TSHZ2: variants seen among roughly 807,000 people sequenced by gnomAD.
The protein encoded by TSHZ2 is teashirt homolog 2.
A neutral mutation model predicts 74.4 loss-of-function variants in TSHZ2; 21 were observed. The ratio of observed to expected loss-of-function variants is 0.28; its 90% CI spans 0.20 to 0.41. The LOEUF (loss-of-function observed/expected upper bound fraction) is 0.41, where lower values mean the gene tolerates loss of function less well. TSHZ2 is among the 10% of genes least tolerant of loss of function. TSHZ2 has a pLI of 1.00. For missense variants in TSHZ2, 1,244 were observed against 1,293.5 expected (o/e 0.96, Z 0.59); for synonymous variants, 540 against 515.3 (o/e 1.05, Z -0.65).
intron 2 of TSHZ2, among the ~76,000 whole-genome samples, chr20:53,316,099 A>G (rs981122730): frequency 1.3e-5 from 2 of 152,240 alleles, no homozygotes; most frequent in African/African-American, 4.8e-5. Context: ...AAACTAAAGT[A>G]GCCATTTAAA....
chr20:53,173,683 AG>A (rs1300535062), intron 1 of TSHZ2, among the ~76,000 whole-genome samples: 2 of 151,956 alleles, frequency 1.3e-5, no homozygotes, highest in African/African-American at 4.8e-5. Flanking sequence ...TAAATGAAAC[AG>A]TCAACAGTCT....
chr20:53,328,666 T>C (rs1227571588), intron 2 of TSHZ2, among the ~76,000 whole-genome samples: 1 of 152,384 alleles, frequency 6.6e-6, no homozygotes, highest in East Asian at 1.9e-4. Flanking sequence ...TTAAAAATTA[T>C]ATTGTTCCTT....
At chr20:53,248,788 G>A (rs959943456) in intron 1 of TSHZ2, among the ~76,000 whole-genome samples, 1 of 152,194 alleles carries the variant, frequency 6.6e-6, no homozygotes, top group East Asian at 1.9e-4. Context: ...GAAGTTGGTA[G>A]CTGGGTTGTT....
chr20:52,999,605 C>A (rs933836837), intron 1 of TSHZ2, among the ~76,000 whole-genome samples: 10 of 152,138 alleles, frequency 6.6e-5, no homozygotes, highest in African/African-American at 2.2e-4. Context: ...GAGCAAACGG[C>A]CAGTCTAGAG....
At chr20:53,394,023 C>T (rs1211555702) in intron 2 of TSHZ2, among the ~76,000 whole-genome samples, 2 of 152,126 alleles carry the variant, frequency 1.3e-5, no homozygotes, top group Non-Finnish European at 2.9e-5. Context: ...TGCTCTTCTC[C>T]AGGTCAATCA....
chr20:53,083,999 A>G (rs1427685789), intron 1 of TSHZ2, among the ~76,000 whole-genome samples: 2 of 152,100 alleles, frequency 1.3e-5, no homozygotes, highest in Non-Finnish European at 2.9e-5. Flanking sequence ...TAAAAAAACT[A>G]AAATATTATT....
At chr20:53,226,594 G>T (rs2123657458) in intron 1 of TSHZ2, among the ~76,000 whole-genome samples, 1 of 152,280 alleles carries the variant, frequency 6.6e-6, no homozygotes, top group African/African-American at 2.4e-5. Flanking sequence ...TGATTTGGAA[G>T]TTAGGATACC....
chr20:53,034,490 A>C (rs1461013527), intron 1 of TSHZ2, among the ~76,000 whole-genome samples: 1 of 152,228 alleles, frequency 6.6e-6, no homozygotes, highest in African/African-American at 2.4e-5. Context: ...GGAGATGACG[A>C]ACTGGTGGGC....
In TSHZ2 at chr20:53,074,547, A is replaced by G. The variant is rs141943168; in HGVS notation, c.40+101214A>G. Among the ~76,000 whole-genome samples the G allele has an allele frequency of 5.7e-3, 866 of 152,362 alleles. 6 individuals are homozygous for G. Among genetic ancestry groups the G allele is most frequent in the Non-Finnish European group, 9.4e-3 (638 of 68,036 alleles). ...ATTGTTGGAAAGTTCAAGTATACAC[A>G]GACTAAACAGCTGGACAAAACTTGC... is the stretch of plus-strand genomic sequence containing the variant. On this transcript the variant is annotated intron_variant, in intron 1 of 2. Transcript: ENST00000371497. The surrounding 1 kb of genome is among the most constrained non-coding windows in gnomAD (Gnocchi z 5.9).
intron 1 of TSHZ2, among the ~76,000 whole-genome samples, chr20:53,075,668 T>C (rs967209986): frequency 6.6e-6 from 1 of 152,010 alleles, no homozygotes; most frequent in African/African-American, 2.4e-5. Context: ...TGATAAGATA[T>C]GAGAATGAAG....
intron 1 of TSHZ2, among the ~76,000 whole-genome samples, chr20:52,981,239 G>T (rs1981557342): frequency 6.6e-6 from 1 of 152,168 alleles, no homozygotes; most frequent in South Asian, 2.1e-4. Context: ...TAGTTATTTA[G>T]CCCCGGGCAA....
At chr20:52,983,383 GTTTTC>G (rs1179752631) in intron 1 of TSHZ2, among the ~76,000 whole-genome samples, 1 of 152,140 alleles carries the variant, frequency 6.6e-6, no homozygotes, top group African/African-American at 2.4e-5. Flanking sequence ...ACTTAATTGT[GTTTTC>G]TTTTCTGCAG....
At chr20:53,410,614 T>TATC (rs1568905434) in intron 2 of TSHZ2, among the ~76,000 whole-genome samples, 1 of 148,200 alleles carries the variant, frequency 6.7e-6, no homozygotes, top group African/African-American at 2.5e-5. Context: ...TTATTATTAT[T>TATC]ATTATTATTA....
intron 1 of TSHZ2, among the ~76,000 whole-genome samples, chr20:53,208,953 T>C (rs1989237157): frequency 6.6e-6 from 1 of 152,224 alleles, no homozygotes; most frequent in South Asian, 2.1e-4. Flanking sequence ...TTGCTTACTC[T>C]TTCCTAAGAG....
intron 1 of TSHZ2, among the ~76,000 whole-genome samples, chr20:53,140,607 T>G (rs1987372739): frequency 7.0e-6 from 1 of 143,630 alleles, no homozygotes; most frequent in African/African-American, 2.6e-5. Flanking sequence ...ACAGAGTCAG[T>G]GGTTTCTTGG....
At chr20:53,284,485 T>G (rs1991126294) in intron 2 of TSHZ2, among the ~76,000 whole-genome samples, 1 of 152,208 alleles carries the variant, frequency 6.6e-6, no homozygotes, top group African/African-American at 2.4e-5. Flanking sequence ...AAGTGTATGC[T>G]TCTTGCTTGC....
rs550126507 is a variant in TSHZ2 at position 53,145,824 on chromosome 20, G to T, written c.41-107675G>T. ...GGAGAGGTACATGCCTAGGAAATAC[G>T]CACAAGGCACAGAAGAACTCTAGCA... On this transcript the variant is annotated intron_variant, in intron 1 of 2. Transcript: ENST00000371497. Among the ~76,000 whole-genome samples the T allele has an allele frequency of 2.0e-5, 3 of 152,290 alleles. No homozygotes were observed. The East Asian group carries it at 5.8e-4, about 29-fold the overall frequency.
In TSHZ2 at chr20:53,254,265, G is replaced by C. The variant is rs758137267; in HGVS notation, c.807G>C (p.Glu269Asp). ...RKRAFQDMDK[E>D]DAQKVLKCMF... ...GGGCTTTCCAGGATATGGACAAAGA[G>C]GATGCTCAAAAGGTTCTGAAATGTA... Residue 269 changes from glutamate (E) to aspartate (D), a missense_variant, in exon 2 of 3, where the codon GAG (glutamate) becomes GAC (aspartate). By Grantham distance (45) the Glu-to-Asp change is conservative (BLOSUM62 2). Coordinates refer to ENST00000371497, the MANE Select transcript of TSHZ2 (RefSeq NM_173485.6). 1 of 1,614,078 alleles carries C rather than the reference G, an allele frequency of 6.2e-7. No individual in the cohort carries two copies. The highest frequency in any genetic ancestry group is 8.5e-7 in the Non-Finnish European group (1 of 1,180,000).
chr20:53,469,894 GAAAGGAGGA>G (rs1985741726), intron 2 of TSHZ2, among the ~76,000 whole-genome samples: 1 of 130,738 alleles, frequency 7.6e-6, no homozygotes, highest in African/African-American at 3.0e-5. Context: ...AGAGAGAGAG[GAAAGGAGGA>G]AGGAAGGAAG....
Sources: gnomAD v4.1 joint callset for allele counts (sites outside exome capture counted in the v4.1 genomes callset) on GRCh38, gnomAD v4.1.1 for gene constraint, Gnocchi (gnomAD v3.1) non-coding constraint, MANE v1.5 for transcripts, NCBI Gene and HGNC (gene_info 2026-07-23, HGNC 2026-07-21) for gene names.